CACNA2D3: variants seen among roughly 807,000 people sequenced by gnomAD.
CACNA2D3 encodes the protein calcium voltage-gated channel auxiliary subunit alpha2delta 3.
A neutral mutation model predicts 160.6 loss-of-function variants in CACNA2D3; 60 were observed. The observed-to-expected ratio is 0.37, with a 90% CI of 0.30 to 0.46. The LOEUF is 0.46. CACNA2D3 is among the 20% of genes least tolerant of loss of function. The pLI is 1.00. For synonymous variants in CACNA2D3, 558 were observed against 492.9 expected (o/e 1.13, Z -1.75); for missense variants, 1,205 against 1,365.0 (o/e 0.88, Z 1.85).
At chr3:55,014,372 T>C (rs1391068726) in intron 34 of CACNA2D3, among the ~76,000 whole-genome samples, 1 of 152,188 alleles carries the variant, frequency 6.6e-6, no homozygotes, top group African/African-American at 2.4e-5. Flanking sequence ...CAAACTGAGC[T>C]CAGTGATCCT....
chr3:54,866,167 A>G (rs1007554192), intron 17 of CACNA2D3, among the ~76,000 whole-genome samples: 8 of 152,216 alleles, frequency 5.3e-5, no homozygotes, highest in Admixed American at 1.3e-4. Flanking sequence ...AGCCTGAGAA[A>G]TATTAGGTGT....
intron 2 of CACNA2D3, among the ~76,000 whole-genome samples, chr3:54,243,495 T>A (rs571472380): frequency 6.6e-6 from 1 of 152,362 alleles, no homozygotes; most frequent in South Asian, 2.1e-4. Context: ...GGGGTTCGGC[T>A]ATTGTTCATG....
At chr3:54,672,848 G>A (rs935345055) in intron 11 of CACNA2D3, among the ~76,000 whole-genome samples, 7 of 152,334 alleles carry the variant, frequency 4.6e-5, no homozygotes, top group Middle Eastern at 3.4e-3. Context: ...TAGCATGGTG[G>A]CTGGCACGAG....
intron 16 of CACNA2D3, among the ~76,000 whole-genome samples, chr3:54,844,384 A>G (rs1398016499): frequency 1.3e-5 from 2 of 152,126 alleles, no homozygotes; most frequent in Non-Finnish European, 2.9e-5. Context: ...ATAAAGGGGC[A>G]ATAAGGAAAC....
chr3:54,461,846 C>G (rs1336964407), intron 4 of CACNA2D3, among the ~76,000 whole-genome samples: 1 of 152,118 alleles, frequency 6.6e-6, no homozygotes, highest in Non-Finnish European at 1.5e-5. Flanking sequence ...TTTTGCTTTT[C>G]TAGTTCTTTT....
chr3:54,732,059 A>G (rs1192250745), intron 11 of CACNA2D3, among the ~76,000 whole-genome samples: 1 of 152,120 alleles, frequency 6.6e-6, no homozygotes, highest in Non-Finnish European at 1.5e-5. Flanking sequence ...CTGTTTTTTA[A>G]ATCTCATTTG....
Position 54,755,662 on chromosome 3 carries a change from C to G in CACNA2D3, c.1246+2985C>G, listed in dbSNP as rs946423273. 3.3e-5 allele frequency among the ~76,000 whole-genome samples: 5 copies of G among 152,102 alleles called. No individual in the cohort carries two copies. In the East Asian group the frequency reaches 7.7e-4, roughly 24 times the overall value. On this transcript the variant is annotated intron_variant, in intron 12 of 37. Transcript: ENST00000474759. The stretch of plus-strand genomic sequence containing the variant: ...GAACACAGGCAGAGGAGAGGGAGGC[C>G]GAGTAGATCCCAGATTTCCTCTGAG...
intron 13 of CACNA2D3, among the ~76,000 whole-genome samples, chr3:54,777,322 AC>A (rs1702443153): frequency 6.6e-6 from 1 of 152,030 alleles, no homozygotes; most frequent in Non-Finnish European, 1.5e-5. Flanking sequence ...GACCTTTCAC[AC>A]CCACTTATGA....
At chr3:54,518,551 G>A (rs1701592858) in intron 5 of CACNA2D3, among the ~76,000 whole-genome samples, 1 of 152,160 alleles carries the variant, frequency 6.6e-6, no homozygotes, top group African/African-American at 2.4e-5. Context: ...GCTCCTCTTG[G>A]CCTCAGCCAC....
intron 2 of CACNA2D3, among the ~76,000 whole-genome samples, chr3:54,137,174 C>CA (rs1207158852): frequency 6.6e-6 from 1 of 152,202 alleles, no homozygotes; most frequent in Non-Finnish European, 1.5e-5. Context: ...TAGCCTTTCT[C>CA]AATGTGGGCG....
intron 2 of CACNA2D3, among the ~76,000 whole-genome samples, chr3:54,202,983 G>A (rs1371111664): frequency 1.3e-5 from 2 of 152,326 alleles, no homozygotes; most frequent in African/African-American, 2.4e-5. Flanking sequence ...TGGAGAAAAC[G>A]ACTGTGTCTG....
chr3:54,516,874 A>T (rs1195482510), intron 5 of CACNA2D3, among the ~76,000 whole-genome samples: 2 of 152,110 alleles, frequency 1.3e-5, no homozygotes, highest in Non-Finnish European at 2.9e-5. Flanking sequence ...GTGCCCCCAA[A>T]ATCCAGATGA....
At chr3:54,523,148 CA>C (rs1701673180) in intron 5 of CACNA2D3, among the ~76,000 whole-genome samples, 1 of 152,084 alleles carries the variant, frequency 6.6e-6, no homozygotes. Flanking sequence ...TTTAATATTT[CA>C]CCATTAAGTG....
Position 54,915,988 on chromosome 3 carries a change from A to T in CACNA2D3, c.2449+16120A>T, listed in dbSNP as rs17054548. ...CAGGGTTTTCTGTGGTGGATCAGAA[A>T]CTCCCTCATGTAATCTCTGTGGGTA... On this transcript the variant is annotated intron_variant, in intron 27 of 37. Coordinates refer to ENST00000474759, the MANE Select transcript of CACNA2D3 (RefSeq NM_018398.3). 7.6e-3 allele frequency among the ~76,000 whole-genome samples: 1,160 copies of T among 151,874 alleles called. 7 individuals carry two copies. The highest frequency in any genetic ancestry group is 0.014 in the Middle Eastern group (4 of 294).
At chr3:54,321,441 C>G (rs1016205860) in intron 3 of CACNA2D3, among the ~76,000 whole-genome samples, 1 of 152,172 alleles carries the variant, frequency 6.6e-6, no homozygotes, top group African/African-American at 2.4e-5. Context: ...ACCACCACAC[C>G]TCGCTCACTT....
chr3:55,071,991 T>C lies in CACNA2D3; in HGVS notation c.2988-1454T>C, dbSNP rs73073765. Among the ~76,000 whole-genome samples, 881 of 152,332 alleles carry C rather than the reference T, an allele frequency of 5.8e-3. 14 individuals are homozygous for C. Among genetic ancestry groups the C allele is most frequent in the South Asian group, 0.028 (137 of 4,828 alleles). On this transcript the variant is annotated intron_variant, in intron 35 of 37. Transcript: ENST00000474759. ...AATATATTTATGTTGATGGGCAAAATCCATTCAGTAGAGGCCAACTGCTGG... is the reference window on the plus strand; with the variant it reads ...AATATATTTATGTTGATGGGCAAAACCCATTCAGTAGAGGCCAACTGCTGG...
chr3:54,459,595 C>A lies in CACNA2D3; in HGVS notation c.382-43897C>A, dbSNP rs1700461573. ...CTTTTGAGAAGTGTCTGTTCATATC[C>A]TTCGCCCACTTTCTGATGGGGTTGT... On this transcript the variant is annotated intron_variant, in intron 4 of 37. Transcript: ENST00000474759. Among the ~76,000 whole-genome samples the A allele has an allele frequency of 2.0e-5, 3 of 152,108 alleles. No homozygotes were observed. The South Asian group carries it at 6.2e-4, about 32-fold the overall frequency.
intron 2 of CACNA2D3, among the ~76,000 whole-genome samples, chr3:54,187,779 C>T (rs1700902821): frequency 6.6e-6 from 1 of 152,150 alleles, no homozygotes; most frequent in African/African-American, 2.4e-5. Flanking sequence ...CCCTCGCATG[C>T]ACAGTTCACA....
At chr3:54,503,769 A>T in intron 5 of CACNA2D3, 115 bp downstream of exon 5, 1 of 862,680 alleles carries the variant, frequency 1.2e-6, no homozygotes, top group Non-Finnish European at 1.8e-6. Flanking sequence ...TGAAAAGCAC[A>T]GTTATAAGCT....
Sources: gnomAD v4.1 joint callset for allele counts (sites outside exome capture counted in the v4.1 genomes callset) on GRCh38, gnomAD v4.1.1 for gene constraint, MANE v1.5 for transcripts, NCBI Gene and HGNC (gene_info 2026-07-23, HGNC 2026-07-21) for gene names.